Variants in ORC4 observed in about 807,000 individuals in gnomAD.
ORC4 encodes origin recognition complex subunit 4.
A neutral mutation model predicts 63.9 loss-of-function variants in ORC4; 55 were observed. The ratio of observed to expected loss-of-function variants is 0.86; its 90% CI spans 0.69 to 1.08. ORC4 has a LOEUF of 1.08. Ranked by LOEUF, ORC4 falls within the 50% of genes least tolerant of loss-of-function variation. ORC4 has a pLI of 0.00. For synonymous variants in ORC4, 150 were observed against 168.5 expected, an observed-to-expected ratio of 0.89 and a Z score of 0.85; for missense variants, 511 against 504.4, an observed-to-expected ratio of 1.01 and a Z score of -0.13.
At chr2:147,982,545 T>A (rs991103026) in intron 1 of ORC4, among the ~76,000 whole-genome samples, 5 of 152,198 alleles carry the variant, frequency 3.3e-5, no homozygotes, top group Admixed American at 6.5e-5. Flanking sequence ...AAGGCAGGTA[T>A]CTAATCTGCC....
chr2:148,004,655 A>C (rs1692514928), intron 1 of ORC4, among the ~76,000 whole-genome samples: 1 of 152,142 alleles, frequency 6.6e-6, no homozygotes, highest in African/African-American at 2.4e-5. Context: ...AACCATAAAA[A>C]CTCTATAAGA....
chr2:147,992,510 T>C (rs1342022649), intron 1 of ORC4, among the ~76,000 whole-genome samples: 3 of 152,172 alleles, frequency 2.0e-5, no homozygotes, highest in Non-Finnish European at 4.4e-5. Flanking sequence ...AGAAGGCACA[T>C]GTAGACAAAT....
chr2:147,987,281 C>T (rs1573851113), intron 1 of ORC4, among the ~76,000 whole-genome samples: 1 of 150,608 alleles, frequency 6.6e-6, no homozygotes, highest in Admixed American at 6.6e-5. Flanking sequence ...CCTACACACA[C>T]ACATACTTTT....
At chr2:148,008,947 C>A (rs76438143) in intron 1 of ORC4, among the ~76,000 whole-genome samples, 22 of 147,958 alleles carry the variant, frequency 1.5e-4, no homozygotes, top group Non-Finnish European at 2.4e-4. Flanking sequence ...ATAACACTAT[C>A]AAAAAAAAAC....
intron 1 of ORC4, among the ~76,000 whole-genome samples, chr2:148,003,408 T>C (rs1692435758): frequency 6.6e-6 from 1 of 152,164 alleles, no homozygotes; most frequent in African/African-American, 2.4e-5. Flanking sequence ...AAAAAGTTTA[T>C]CCACCATGAT....
chr2:147,939,190 A>G lies in ORC4; in HGVS notation c.908T>C (p.Met303Thr), dbSNP rs745686559. Residue 303 changes from methionine to threonine, a missense_variant, in exon 11 of 14, where the codon ATG becomes ACG. Physicochemically the swap from Met to Thr is moderately conservative, Grantham distance 81. Coordinates refer to ENST00000392857, the MANE Select transcript of ORC4 (RefSeq NM_181741.4). ...CATGCTACACAGTTGGCTTGCTTCC[A>G]TTAGATCTACGGCAGTCATAAATGG... ...SHPFMTAVDL[M>T]EASQLCSMDS... The G allele has an allele frequency of 1.2e-6, 2 of 1,613,204 alleles. No homozygotes were observed. The highest frequency in any genetic ancestry group is 1.7e-6 in the Non-Finnish European group (2 of 1,179,288).
At chr2:148,010,457 C>T (rs1692894815) in intron 1 of ORC4, among the ~76,000 whole-genome samples, 1 of 151,384 alleles carries the variant, frequency 6.6e-6, no homozygotes, top group Non-Finnish European at 1.5e-5. Context: ...TTTACCCAGA[C>T]TAAGAAAAGA....
At chr2:147,993,974 A>C (rs936842406) in intron 1 of ORC4, among the ~76,000 whole-genome samples, 1 of 152,192 alleles carries the variant, frequency 6.6e-6, no homozygotes, top group African/African-American at 2.4e-5. Flanking sequence ...AAATAACAAC[A>C]AAATCACTGG....
At position 147,930,486 on chromosome 2, in the gene ORC4, G is replaced by A. The variant is rs1040154147; in HGVS notation, c.*5024C>T. 2 of 151,678 alleles carry A rather than the reference G, an allele frequency of 1.3e-5. No homozygotes were observed. Among genetic ancestry groups the A allele is most frequent in the African/African-American group, 2.4e-5 (1 of 41,180 alleles). The allele number at this position is 151,678 out of a possible 1,614,324, so 9.4% of individuals were successfully genotyped here. A position where few individuals can be genotyped will look rare whatever the true frequency, so the allele number is the denominator to read the frequency against. Reference sequence around the variant, plus strand: ...GCATAAAATTATTTATCCATTTATGGGCAAAATGATACAAGTAGCATCTTG... The same window carrying A: ...GCATAAAATTATTTATCCATTTATGAGCAAAATGATACAAGTAGCATCTTG... On this transcript the variant is annotated 3_prime_UTR_variant, in exon 14 of 14. Transcript: ENST00000392857.
intron 11 of ORC4, 47 bp from the exon 12 acceptor site, chr2:147,938,440 C>T (rs774213715): frequency 9.7e-7 from 1 of 1,029,500 alleles, no homozygotes. Context: ...ACATATAAGA[C>T]TGAAATAACT....
chr2:148,021,391 C>T, upstream of ORC4: 4 of 502,036 alleles, frequency 8.0e-6, no homozygotes, highest in East Asian at 5.3e-5. Context: ...CACCCTCCTC[C>T]TCTTTGGCCG....
chr2:148,005,656 C>CAAA (rs55869341), intron 1 of ORC4, among the ~76,000 whole-genome samples: 1,517 of 49,272 alleles, frequency 0.031, 11 homozygotes, highest in Non-Finnish European at 0.033. Context: ...ACTATCCATG[C>CAAA]AAAAAAAAAA....
At chr2:147,984,916 C>T (rs952295761) in intron 1 of ORC4, among the ~76,000 whole-genome samples, 16 of 152,204 alleles carry the variant, frequency 1.1e-4, no homozygotes, top group African/African-American at 3.9e-4. Flanking sequence ...TATATTCATA[C>T]TCCCATTTTT....
chr2:147,991,664 A>C (rs543568159), intron 1 of ORC4, among the ~76,000 whole-genome samples: 2 of 152,150 alleles, frequency 1.3e-5, no homozygotes, highest in East Asian at 3.9e-4. Flanking sequence ...CCCCGTCTCT[A>C]CTAAAAATAC....
chr2:148,015,891 G>T (rs1417007035), intron 1 of ORC4, among the ~76,000 whole-genome samples: 1 of 152,146 alleles, frequency 6.6e-6, no homozygotes, highest in Non-Finnish European at 1.5e-5. Flanking sequence ...TTTTGCAAAA[G>T]ATACCAGAGC....
chr2:148,003,553 T>C (rs1338082122), intron 1 of ORC4, among the ~76,000 whole-genome samples: 1 of 152,100 alleles, frequency 6.6e-6, no homozygotes, highest in African/African-American at 2.4e-5. Flanking sequence ...TTCGACAAAA[T>C]TCAACACCCC....
At chr2:147,947,020 A>C (rs1322728391) in intron 9 of ORC4, among the ~76,000 whole-genome samples, 1 of 152,068 alleles carries the variant, frequency 6.6e-6, no homozygotes, top group Admixed American at 6.6e-5. Context: ...ACTATATTTT[A>C]TAATCAAACA....
intron 1 of ORC4, among the ~76,000 whole-genome samples, chr2:147,985,828 C>T (rs541077504): frequency 6.6e-6 from 1 of 152,178 alleles, no homozygotes; most frequent in South Asian, 2.1e-4. Context: ...TATACAATGA[C>T]CTGCCCAAGA....
At position 147,939,264 on chromosome 2, in the gene ORC4, T is replaced by A; in HGVS notation, c.850-16A>T. 6.5e-7 allele frequency: 1 copy of A among 1,536,190 alleles called. No individual in the cohort carries two copies. Among genetic ancestry groups the A allele is most frequent in the Non-Finnish European group, 9.0e-7 (1 of 1,109,472 alleles). On this transcript the variant is annotated splice_polypyrimidine_tract_variant and intron_variant, in intron 10 of 13. Transcript: ENST00000392857. The stretch of plus-strand genomic sequence containing the variant: ...AAGCAAGCATCTAGGGAAAGACAGA[T>A]CAGAAAAACAATTACGTATTTACAT...
Sources: gnomAD v4.1 joint callset for allele counts (sites outside exome capture counted in the v4.1 genomes callset) on GRCh38, gnomAD v4.1.1 for gene constraint, MANE v1.5 for transcripts, NCBI Gene and HGNC (gene_info 2026-07-23, HGNC 2026-07-21) for gene names.